The following ATXN10 variants were observed in gnomAD, a reference collection of about 807,000 sequenced individuals.
ATXN10 encodes ataxin 10.
In ATXN10, 28 loss-of-function variants were observed where a neutral mutation model predicts 52.9. That is an observed-to-expected ratio of 0.53 (90% CI 0.39 to 0.73). The LOEUF is 0.73. Among genes scored for constraint, ATXN10 ranks in the 30% least tolerant of loss-of-function variants. The pLI, the probability that ATXN10 is intolerant of heterozygous loss-of-function variation, is 0.00. For missense variants in ATXN10, 565 were observed against 577.0 expected, an observed-to-expected ratio of 0.98 and a Z score of 0.21; for synonymous variants, 226 against 221.5, an observed-to-expected ratio of 1.02 and a Z score of -0.18.
intron 9 of ATXN10, among the ~76,000 whole-genome samples, chr22:45,767,432 T>TAC (rs974217069): frequency 5.3e-5 from 8 of 150,282 alleles, no homozygotes; most frequent in African/African-American, 2.0e-4. Context: ...TATATAAATA[T>TAC]ACATACACAC....
chr22:45,689,009 C>G (rs1403737575), intron 1 of ATXN10, among the ~76,000 whole-genome samples: 3 of 152,090 alleles, frequency 2.0e-5, no homozygotes, highest in African/African-American at 7.2e-5. Flanking sequence ...CCAGAGGGTA[C>G]AACCACAGGT....
intron 7 of ATXN10, among the ~76,000 whole-genome samples, chr22:45,736,679 T>C (rs929969455): frequency 3.3e-5 from 5 of 152,218 alleles, no homozygotes; most frequent in African/African-American, 1.2e-4. Flanking sequence ...CATATTCTTC[T>C]TTACCTTGCA....
At chr22:45,806,522 A>T (rs992184332) in intron 9 of ATXN10, among the ~76,000 whole-genome samples, 1 of 152,170 alleles carries the variant, frequency 6.6e-6, no homozygotes, top group East Asian at 1.9e-4. Flanking sequence ...CAAATAGTCA[A>T]ATTTTAAAAC....
Position 45,681,192 on chromosome 22 carries a change from G to A in ATXN10, c.117-8520G>A, listed in dbSNP as rs1040575038. On this transcript the variant is annotated intron_variant, in intron 1 of 11. Transcript: ENST00000252934. This position sits in a 1 kb window ranked among gnomAD's most constrained non-coding sequence, Gnocchi z 4.2. ...ATTTCTTCTCCTGTCTTAAATCTTC[G>A]TTATTTCATTGTTTATATAGATTTT... Among the ~76,000 whole-genome samples, 1 of 151,996 alleles carries A rather than the reference G, an allele frequency of 6.6e-6. No individual in the cohort carries two copies. The highest frequency in any genetic ancestry group is 1.5e-5 in the Non-Finnish European group (1 of 68,010).
In ATXN10 at chr22:45,816,974, C is replaced by T. The variant is rs534866039; in HGVS notation, c.1237+9952C>T. Among the ~76,000 whole-genome samples the T allele has an allele frequency of 6.6e-5, 10 of 152,096 alleles. No individual in the cohort carries two copies. Among genetic ancestry groups the T allele is most frequent in the African/African-American group, 2.2e-4 (9 of 41,410 alleles). On this transcript the variant is annotated intron_variant, in intron 10 of 11. Coordinates refer to ENST00000252934, the MANE Select transcript of ATXN10 (RefSeq NM_013236.4). The surrounding 1 kb of genome is among the most constrained non-coding windows in gnomAD (Gnocchi z 5.8). Reference sequence around the variant, plus strand: ...CCTCAGGGAAGTGTCTTAAACACCTCGAGATGGCGCAGCTGGCTAGGCTCG... The same window carrying T: ...CCTCAGGGAAGTGTCTTAAACACCTTGAGATGGCGCAGCTGGCTAGGCTCG...
intron 9 of ATXN10, among the ~76,000 whole-genome samples, chr22:45,778,285 A>G (rs937794704): frequency 7.9e-5 from 12 of 152,184 alleles, no homozygotes; most frequent in African/African-American, 2.9e-4. Context: ...CAGTGAGTAT[A>G]TATTATGAAC....
rs2146919771 is a variant in ATXN10 at position 45,840,607 on chromosome 22, T to G, written c.1238-2384T>G. Among the ~76,000 whole-genome samples, 1 of 152,250 alleles carries G rather than the reference T, an allele frequency of 6.6e-6. No homozygotes were observed. On this transcript the variant is annotated intron_variant, in intron 10 of 11. Coordinates refer to ENST00000252934, the MANE Select transcript of ATXN10 (RefSeq NM_013236.4). The surrounding 1 kb of genome is among the most constrained non-coding windows in gnomAD (Gnocchi z 5.8). ...TGGCAGGAGAGGTGGGTAGGGGCCG[T>G]CTGGCAGGGTCTCACGTGCCCTGGA... is the stretch of plus-strand genomic sequence containing the variant.
rs994311113 is a variant in ATXN10 at position 45,683,173 on chromosome 22, G to T, written c.117-6539G>T. On this transcript the variant is annotated intron_variant, in intron 1 of 11. Coordinates refer to ENST00000252934, the MANE Select transcript of ATXN10 (RefSeq NM_013236.4). This position sits in a 1 kb window ranked among gnomAD's most constrained non-coding sequence, Gnocchi z 4.8. ...ATCTCTACTAAAAATACAAAAATTT[G>T]TTGGGCATGGTGGCACATGCCTGAA... 6.6e-6 allele frequency among the ~76,000 whole-genome samples: 1 copy of T among 152,172 alleles called. No homozygotes were observed. Among genetic ancestry groups the T allele is most frequent in the African/African-American group, 2.4e-5 (1 of 41,436 alleles).
At chr22:45,707,165 T>C (rs1924074824) in intron 5 of ATXN10, among the ~76,000 whole-genome samples, 1 of 152,174 alleles carries the variant, frequency 6.6e-6, no homozygotes, top group East Asian at 1.9e-4. Flanking sequence ...AATCTATTTT[T>C]CCATATCTTT....
At chr22:45,768,383 A>T (rs566760831) in intron 9 of ATXN10, among the ~76,000 whole-genome samples, 1 of 152,042 alleles carries the variant, frequency 6.6e-6, no homozygotes, top group Non-Finnish European at 1.5e-5. Context: ...TGGTTTGAGG[A>T]TGAAAAAAAA....
At chr22:45,812,879 G>A (rs1928329499) in intron 10 of ATXN10, among the ~76,000 whole-genome samples, 1 of 152,180 alleles carries the variant, frequency 6.6e-6, no homozygotes, top group Non-Finnish European at 1.5e-5. Flanking sequence ...TACGGGTTAG[G>A]AAATCCAAAC....
chr22:45,709,154 A>G (rs539470843), intron 5 of ATXN10, among the ~76,000 whole-genome samples: 12 of 152,312 alleles, frequency 7.9e-5, no homozygotes, highest in African/African-American at 2.9e-4. Flanking sequence ...ATCCTCTTGC[A>G]GTCTGAATCT....
intron 9 of ATXN10, among the ~76,000 whole-genome samples, chr22:45,788,849 G>A (rs11090658): frequency 0.021 from 3,253 of 152,100 alleles, 67 homozygotes; most frequent in African/African-American, 0.054. Flanking sequence ...AGGTCTCGCC[G>A]TGTTGTTCAG....
At position 45,688,209 on chromosome 22, in the gene ATXN10, C is replaced by G. The variant is rs1923224562; in HGVS notation, c.117-1503C>G. On this transcript the variant is annotated intron_variant, in intron 1 of 11. Transcript: ENST00000252934. The surrounding 1 kb of genome is among the most constrained non-coding windows in gnomAD (Gnocchi z 4.0). ...ATTTCTTAATTTGGTCACTCAGTTG[C>G]CGAGACACTGAGTCAAAGTTTCATT... Among the ~76,000 whole-genome samples, 1 of 152,148 alleles carries G rather than the reference C, an allele frequency of 6.6e-6. No homozygotes were observed. Among genetic ancestry groups the G allele is most frequent in the Non-Finnish European group, 1.5e-5 (1 of 68,030 alleles).
intron 5 of ATXN10, among the ~76,000 whole-genome samples, chr22:45,711,729 A>G (rs549069882): frequency 1.3e-5 from 2 of 152,338 alleles, no homozygotes; most frequent in African/African-American, 4.8e-5. Context: ...TCGGTAAAGC[A>G]CCTGTGTATA....
At chr22:45,827,244 C>T (rs1928847078) in intron 10 of ATXN10, among the ~76,000 whole-genome samples, 2 of 150,962 alleles carry the variant, frequency 1.3e-5, no homozygotes, top group South Asian at 4.2e-4. Flanking sequence ...AAAAAGAAGA[C>T]AATAATGTAA....
chr22:45,672,248 C>G, intron 1 of ATXN10, 69 bp downstream of exon 1: 3 of 1,308,312 alleles, frequency 2.3e-6, no homozygotes, highest in Non-Finnish European at 1.9e-6. Flanking sequence ...GCGGCCCCGG[C>G]CTGGACCCAG....
intron 4 of ATXN10, 138 bp downstream of exon 4, chr22:45,700,516 G>T (rs1035436162): frequency 4.7e-5 from 34 of 722,800 alleles, no homozygotes; most frequent in Non-Finnish European, 7.7e-5. Context: ...TGGTGGGTGG[G>T]TACCAGCTGG....
At chr22:45,703,106 G>T (rs1469982528) in intron 5 of ATXN10, among the ~76,000 whole-genome samples, 1 of 152,160 alleles carries the variant, frequency 6.6e-6, no homozygotes, top group Non-Finnish European at 1.5e-5. Flanking sequence ...GACATTCTTG[G>T]TGTATGAAAA....
Sources: gnomAD v4.1 joint callset for allele counts (sites outside exome capture counted in the v4.1 genomes callset) on GRCh38, gnomAD v4.1.1 for gene constraint, Gnocchi (gnomAD v3.1) non-coding constraint, MANE v1.5 for transcripts, NCBI Gene and HGNC (gene_info 2026-07-23, HGNC 2026-07-21) for gene names.